FAM20A: variants seen among roughly 807,000 people sequenced by gnomAD.
FAM20A encodes the protein pseudokinase FAM20A.
In FAM20A, 42 loss-of-function variants were observed where a neutral mutation model predicts 52.0. The ratio of observed to expected loss-of-function variants is 0.81; its 90% CI spans 0.63 to 1.04. The LOEUF (loss-of-function observed/expected upper bound fraction) is 1.04, where lower values mean the gene tolerates loss of function less well. FAM20A is among the 50% of genes least tolerant of loss of function. The pLI is 0.00. For missense variants in FAM20A, 742 were observed against 712.7 expected (o/e 1.04, Z -0.47); for synonymous variants, 304 against 298.9 (o/e 1.02, Z -0.18).
At chr17:68,547,382 T>C (rs926906068) in intron 4 of FAM20A, among the ~76,000 whole-genome samples, 2 of 152,226 alleles carry the variant, frequency 1.3e-5, no homozygotes, top group African/African-American at 2.4e-5. Flanking sequence ...AGGCATTGAC[T>C]TTTCTTCTCT....
chr17:68,585,954 G>A (rs1231859421), intron 1 of FAM20A, among the ~76,000 whole-genome samples: 1 of 152,198 alleles, frequency 6.6e-6, no homozygotes, highest in Non-Finnish European at 1.5e-5. Flanking sequence ...CATCTGCCTA[G>A]TCACTACCAG....
At position 68,540,695 on chromosome 17, in the gene FAM20A, G is replaced by A. The variant is rs1450712043; in HGVS notation, c.1219+154C>T. On this transcript the variant is annotated intron_variant, in intron 8 of 10. Transcript: ENST00000592554. Reference sequence around the variant, plus strand: ...AAGAGAGGGGAGCCTGTTACCTTCTGTCCTCTGGGACCTCCGCCACTTCTG... The same window carrying A: ...AAGAGAGGGGAGCCTGTTACCTTCTATCCTCTGGGACCTCCGCCACTTCTG... 4.3e-6 allele frequency: 4 copies of A among 932,356 alleles called. No individual in the cohort carries two copies. The African/African-American group carries it at 4.9e-5, about 11-fold the overall frequency. The allele number at this position is 932,356 out of a possible 1,614,324, so 57.8% of individuals were successfully genotyped here. A position where few individuals can be genotyped will look rare whatever the true frequency, so the allele number is the denominator to read the frequency against.
intron 1 of FAM20A, among the ~76,000 whole-genome samples, chr17:68,595,194 A>G (rs1476448897): frequency 6.6e-6 from 1 of 152,234 alleles, no homozygotes; most frequent in Non-Finnish European, 1.5e-5. Flanking sequence ...TGGTGAAAGA[A>G]GAGTGTTGTT....
intron 1 of FAM20A, among the ~76,000 whole-genome samples, chr17:68,584,707 T>C (rs16973066): frequency 0.19 from 29,117 of 152,172 alleles, 2,929 homozygotes; most frequent in East Asian, 0.35. Context: ...CATTTTCTTA[T>C]ATGCAAATAA....
Position 68,600,331 on chromosome 17 carries a change from G to T in FAM20A, c.336C>A (p.Ala112=). Residue 112 remains alanine, a synonymous_variant, in exon 1 of 11, where the codon GCC becomes GCA. Transcript: ENST00000592554. This position sits in a 1 kb window ranked among gnomAD's most constrained non-coding sequence, Gnocchi z 6.2. ...CCTGGCTGGCCAGGAGCGAGTCCTC[G>T]GCTCCCAGGAGAGGCGGCTCCTCCG... ...NVPEEPPLLG[A]EDSLLASQEA... 1.3e-6 allele frequency: 2 copies of T among 1,596,240 alleles called. No homozygotes were observed. Among genetic ancestry groups the T allele is most frequent in the South Asian group, 2.3e-5 (2 of 88,004 alleles).
chr17:68,599,511 C>G (rs186368408), intron 1 of FAM20A, among the ~76,000 whole-genome samples: 1 of 152,130 alleles, frequency 6.6e-6, no homozygotes, highest in Non-Finnish European at 1.5e-5. Flanking sequence ...TTAAAAAATT[C>G]CCTGAAAGAT....
chr17:68,581,461 C>CTTTTCTTTTTTTCTTTT (rs1423325836), intron 1 of FAM20A, among the ~76,000 whole-genome samples: 65 of 119,130 alleles, frequency 5.5e-4, no homozygotes, highest in African/African-American at 1.9e-3. Context: ...TTCTTTCTTT[C>CTTTTCTTTTTTTCTTTT]CTTTCTTTCT....
intron 1 of FAM20A, among the ~76,000 whole-genome samples, chr17:68,567,941 A>C (rs2087425820): frequency 6.6e-6 from 1 of 151,892 alleles, no homozygotes; most frequent in South Asian, 2.1e-4. Flanking sequence ...TCCCGCCATG[A>C]TTATAAGTTT....
intron 1 of FAM20A, among the ~76,000 whole-genome samples, chr17:68,557,999 C>T (rs1414498180): frequency 2.0e-5 from 3 of 152,196 alleles, no homozygotes; most frequent in South Asian, 4.2e-4. Flanking sequence ...TCAAGGTGGG[C>T]CTGATTGAAT....
intron 1 of FAM20A, among the ~76,000 whole-genome samples, chr17:68,591,093 CTGTTTTGTT>C (rs1174340787): frequency 3.1e-4 from 46 of 149,948 alleles, no homozygotes; most frequent in East Asian, 2.0e-3. Context: ...TCCAAGGACT[CTGTTTTGTT>C]TTGTTTTGTT....
chr17:68,538,803 T>A lies in FAM20A; in HGVS notation c.1361+534A>T, dbSNP rs2086171723. Among the ~76,000 whole-genome samples the A allele has an allele frequency of 1.3e-5, 2 of 152,218 alleles. 1 individual carries two copies. The highest frequency in any genetic ancestry group is 4.1e-4 in the South Asian group (2 of 4,836). ...GTTGGCAATTGAAAGGTTTAAAGGA[T>A]TAAATCCTAATTCATCCTATGTGGA... On this transcript the variant is annotated intron_variant, in intron 10 of 10. Coordinates refer to ENST00000592554, the MANE Select transcript of FAM20A (RefSeq NM_017565.4).
At chr17:68,564,880 G>A (rs1289012635) in intron 1 of FAM20A, among the ~76,000 whole-genome samples, 2 of 152,170 alleles carry the variant, frequency 1.3e-5, no homozygotes, top group African/African-American at 2.4e-5. Flanking sequence ...GGTGCTGCGA[G>A]TGCTCCAGAC....
intron 8 of FAM20A, chr17:68,540,446 G>A: frequency 2.1e-6 from 1 of 467,376 alleles, no homozygotes; most frequent in Non-Finnish European, 4.3e-6. Context: ...CTCCCTAGAA[G>A]TCCCTGTGGG....
intron 1 of FAM20A, among the ~76,000 whole-genome samples, chr17:68,565,000 T>C (rs2087336170): frequency 6.6e-6 from 1 of 152,158 alleles, no homozygotes; most frequent in Admixed American, 6.5e-5. Flanking sequence ...GCTTCAGGTC[T>C]GAAAATCTTC....
At chr17:68,541,152 G>A in intron 7 of FAM20A, 194 bp from the exon 8 acceptor site, 2 of 728,208 alleles carry the variant, frequency 2.7e-6, no homozygotes, top group Non-Finnish European at 4.3e-6. Context: ...AGAAGGTCCT[G>A]GGTCCTTTAA....
At chr17:68,567,240 G>A (rs567917628) in intron 1 of FAM20A, among the ~76,000 whole-genome samples, 14 of 151,908 alleles carry the variant, frequency 9.2e-5, no homozygotes, top group Non-Finnish European at 1.8e-4. Flanking sequence ...CACGAAAGGG[G>A]CCTTAGGCAA....
At chr17:68,553,389 G>A (rs930169824) in intron 3 of FAM20A, among the ~76,000 whole-genome samples, 1 of 152,144 alleles carries the variant, frequency 6.6e-6, no homozygotes, top group Non-Finnish European at 1.5e-5. Context: ...GTGTAAAAAT[G>A]GACTAATACA....
chr17:68,542,867 G>C, intron 5 of FAM20A, 58 bp from the exon 6 acceptor site: 1 of 1,370,048 alleles, frequency 7.3e-7, no homozygotes, highest in South Asian at 1.2e-5. Context: ...AGGAGGAGGG[G>C]TTTTGTCCCC....
At chr17:68,586,544 G>A (rs1368211394) in intron 1 of FAM20A, among the ~76,000 whole-genome samples, 1 of 152,216 alleles carries the variant, frequency 6.6e-6, no homozygotes, top group Admixed American at 6.5e-5. Flanking sequence ...CATAGAGGAG[G>A]AGAAGACACA....
Sources: gnomAD v4.1 joint callset for allele counts (sites outside exome capture counted in the v4.1 genomes callset) on GRCh38, gnomAD v4.1.1 for gene constraint, Gnocchi (gnomAD v3.1) non-coding constraint, MANE v1.5 for transcripts, NCBI Gene and HGNC (gene_info 2026-07-23, HGNC 2026-07-21) for gene names.